The following DGKH variants were observed in gnomAD, a reference collection of about 807,000 sequenced individuals.
DGKH encodes diacylglycerol kinase eta, also known as DAG kinase eta.
DGKH carries 90 observed loss-of-function variants against 159.3 expected under a neutral mutation model. The observed-to-expected ratio is 0.57, with a 90% CI of 0.48 to 0.67. The LOEUF (loss-of-function observed/expected upper bound fraction) is 0.67, where lower values mean the gene tolerates loss of function less well. Among genes scored for constraint, DGKH ranks in the 30% least tolerant of loss-of-function variants. DGKH has a pLI of 0.00. For synonymous variants in DGKH, 536 were observed against 553.8 expected (o/e 0.97, Z 0.45); for missense variants, 1,181 against 1,506.1 (o/e 0.78, Z 3.57).
intron 1 of DGKH, chr13:42,070,363 A>T: frequency 7.0e-7 from 1 of 1,428,794 alleles, no homozygotes; most frequent in Non-Finnish European, 9.9e-7. Flanking sequence ...TTCTAAAGTC[A>T]GCTGCATCTG....
chr13:42,080,669 T>C (rs1279377269), intron 1 of DGKH, among the ~76,000 whole-genome samples: 2 of 152,148 alleles, frequency 1.3e-5, no homozygotes, highest in African/African-American at 4.8e-5. Context: ...TATATTAGAG[T>C]ATAACAAATA....
intron 1 of DGKH, among the ~76,000 whole-genome samples, chr13:42,063,303 C>T (rs7993297): frequency 0.055 from 8,311 of 151,990 alleles, 722 homozygotes; most frequent in African/African-American, 0.19. Context: ...TGAGCATTCC[C>T]GAACAGCTGA....
At chr13:42,062,831 G>A (rs957194102) in intron 1 of DGKH, among the ~76,000 whole-genome samples, 2 of 152,186 alleles carry the variant, frequency 1.3e-5, no homozygotes, top group Admixed American at 6.5e-5. Context: ...AACAGTTCTC[G>A]GGTTAAACCA....
In DGKH at chr13:42,233,728, A is replaced by G. The variant is rs1310710665; in HGVS notation, c.*4540A>G. On this transcript the variant is annotated 3_prime_UTR_variant, in exon 30 of 30. Transcript: ENST00000337343. The stretch of plus-strand genomic sequence containing the variant: ...TCCACCTCTAAGTCACTAACAATCC[A>G]TGTTTGTTCAGTTTGTTGACATGTG... 6.6e-6 allele frequency: 1 copy of G among 152,180 alleles called. No homozygotes were observed. The highest frequency in any genetic ancestry group is 1.9e-4 in the East Asian group (1 of 5,200). 9.4% of individuals were successfully genotyped at this position (152,180 alleles called of 1,614,324 possible). A position where few individuals can be genotyped will look rare whatever the true frequency, so the allele number is the denominator to read the frequency against.
intron 9 of DGKH, among the ~76,000 whole-genome samples, chr13:42,168,139 A>G (rs879654751): frequency 5.3e-5 from 8 of 152,200 alleles, no homozygotes; most frequent in Non-Finnish European, 1.0e-4. Context: ...AAGAACCACT[A>G]CTTCCACCAT....
chr13:42,222,936 TAGAA>T (rs1958021167), intron 29 of DGKH, among the ~76,000 whole-genome samples: 1 of 152,222 alleles, frequency 6.6e-6, no homozygotes, highest in African/African-American at 2.4e-5. Flanking sequence ...TAGAAAAGAA[TAGAA>T]AGAAGATGGT....
rs913742489 is a variant in DGKH, at chr13:42,237,039, T to G, written c.*7851T>G. 57 of 152,224 alleles carry G rather than the reference T, an allele frequency of 3.7e-4. No homozygotes were observed. The highest frequency in any genetic ancestry group is 1.4e-3 in the African/African-American group (56 of 41,462). 9.4% of individuals were successfully genotyped at this position (152,224 alleles called of 1,614,324 possible). A position where few individuals can be genotyped will look rare whatever the true frequency, so the allele number is the denominator to read the frequency against. On this transcript the variant is annotated 3_prime_UTR_variant, in exon 30 of 30. Coordinates refer to ENST00000337343, the MANE Select transcript of DGKH (RefSeq NM_178009.5). ...CGTTATGGATAATTGTTTGTTTCTG[T>G]CAAGTCGGTGAGATTTTAATTGTTT...
intron 1 of DGKH, among the ~76,000 whole-genome samples, chr13:42,116,121 T>C (rs1954964094): frequency 6.6e-6 from 1 of 152,186 alleles, no homozygotes; most frequent in Non-Finnish European, 1.5e-5. Context: ...ATTATTTCCA[T>C]TTCAGAGGTG....
intron 1 of DGKH, among the ~76,000 whole-genome samples, chr13:42,109,234 C>T (rs1364792848): frequency 1.3e-5 from 2 of 152,300 alleles, no homozygotes; most frequent in Non-Finnish European, 2.9e-5. Flanking sequence ...TGTCAGGAAC[C>T]ATTGCAGATA....
In DGKH at chr13:42,165,427, T is replaced by A; in HGVS notation, c.952T>A (p.Ser318Thr). The change falls in exon 8 of 30, where the codon TCC (serine) becomes ACC (threonine). Residue 318 changes from serine to threonine, a missense_variant. Transcript: ENST00000337343. ...TCCAATTGCACTAAACAGCACCGATTCCGATGGTATGTAGCAGTAGTGTAA... is the reference window on the plus strand; with the variant it reads ...TCCAATTGCACTAAACAGCACCGATACCGATGGTATGTAGCAGTAGTGTAA... ...IPPIALNSTDSDGFCRATFSF... is the reference protein window; with the variant it reads ...IPPIALNSTDTDGFCRATFSF... 1 of 1,550,268 alleles carries A rather than the reference T, an allele frequency of 6.5e-7. No individual in the cohort carries two copies. Among genetic ancestry groups the A allele is most frequent in the Non-Finnish European group, 8.8e-7 (1 of 1,142,508 alleles).
chr13:42,218,520 T>C (rs966538769), intron 26 of DGKH, among the ~76,000 whole-genome samples: 1 of 149,622 alleles, frequency 6.7e-6, no homozygotes, highest in Non-Finnish European at 1.5e-5. Context: ...TTTTTTTTTT[T>C]TTTTGAGTCA....
At chr13:42,119,076 G>A (rs1224532963) in intron 1 of DGKH, among the ~76,000 whole-genome samples, 1 of 152,096 alleles carries the variant, frequency 6.6e-6, no homozygotes, top group East Asian at 1.9e-4. Context: ...GCACTTTAAT[G>A]TTCTGTGTTT....
At chr13:42,167,177 C>G (rs746841166) in intron 9 of DGKH, among the ~76,000 whole-genome samples, 1 of 152,138 alleles carries the variant, frequency 6.6e-6, no homozygotes, top group African/African-American at 2.4e-5. Flanking sequence ...AACTTAAAAT[C>G]TGTAAGATAA....
intron 29 of DGKH, among the ~76,000 whole-genome samples, chr13:42,223,603 A>G (rs1958041994): frequency 6.6e-6 from 1 of 151,908 alleles, no homozygotes; most frequent in Non-Finnish European, 1.5e-5. Flanking sequence ...TACTAAAACT[A>G]CAAAAAAACT....
At chr13:42,151,503 G>GTATA (rs1594101291) in intron 3 of DGKH, among the ~76,000 whole-genome samples, 1 of 83,116 alleles carries the variant, frequency 1.2e-5, no homozygotes, top group Admixed American at 1.3e-4. Flanking sequence ...GTGTGTGTGT[G>GTATA]TGTATACACA....
intron 1 of DGKH, among the ~76,000 whole-genome samples, chr13:42,077,039 AT>A (rs1283474492): frequency 6.6e-6 from 1 of 152,134 alleles, no homozygotes; most frequent in Non-Finnish European, 1.5e-5. Flanking sequence ...ATATAGAATT[AT>A]GCATCACTTT....
chr13:42,077,730 A>G (rs986280819), intron 1 of DGKH, among the ~76,000 whole-genome samples: 1 of 152,226 alleles, frequency 6.6e-6, no homozygotes, highest in African/African-American at 2.4e-5. Flanking sequence ...TCTTCTGTCT[A>G]AAGAAAATAA....
chr13:42,122,969 A>T (rs1161624256), intron 1 of DGKH, among the ~76,000 whole-genome samples: 1 of 152,214 alleles, frequency 6.6e-6, no homozygotes, highest in Non-Finnish European at 1.5e-5. Context: ...TGACTAAAAA[A>T]TCTGTATGAT....
intron 3 of DGKH, 94 bp downstream of exon 3, chr13:42,129,726 C>G: frequency 8.8e-7 from 1 of 1,142,786 alleles, no homozygotes; most frequent in Non-Finnish European, 1.3e-6. Context: ...CAAACTGTTG[C>G]TAACTTATGC....
Sources: gnomAD v4.1 joint callset for allele counts (sites outside exome capture counted in the v4.1 genomes callset) on GRCh38, gnomAD v4.1.1 for gene constraint, MANE v1.5 for transcripts, NCBI Gene and HGNC (gene_info 2026-07-23, HGNC 2026-07-21) for gene names.